The following NOX4 variants were observed in gnomAD, a reference collection of about 807,000 sequenced individuals.
The protein encoded by NOX4 is NADPH oxidase 4, also known as kidney oxidase-1.
NOX4 carries 69 observed loss-of-function variants against 87.6 expected under a neutral mutation model. That is an observed-to-expected ratio of 0.79 (90% confidence interval 0.65 to 0.96). The LOEUF (loss-of-function observed/expected upper bound fraction) is 0.96. Among genes scored for constraint, NOX4 ranks in the 40% least tolerant of loss-of-function variants. NOX4 has a pLI of 0.00. For synonymous variants in NOX4, 275 were observed against 238.2 expected (o/e 1.15, Z -1.42); for missense variants, 680 against 681.5 (o/e 1.00, Z 0.02).
At chr11:89,368,117 A>G (rs1055030826) in intron 12 of NOX4, among the ~76,000 whole-genome samples, 5 of 151,830 alleles carry the variant, frequency 3.3e-5, no homozygotes, top group African/African-American at 1.2e-4. Context: ...TAAATATATT[A>G]TAACATAATT....
At chr11:89,555,110 T>C in the NOX4 span, among the ~76,000 whole-genome samples, 1 of 152,132 alleles carries the variant, frequency 6.6e-6, no homozygotes. Context: ...TCCTTACCCT[T>C]AGGCACTTTC....
At chr11:89,440,347 T>C (rs1944401942) in intron 6 of NOX4, among the ~76,000 whole-genome samples, 1 of 152,160 alleles carries the variant, frequency 6.6e-6, no homozygotes, top group Non-Finnish European at 1.5e-5. Flanking sequence ...AGACGGAGTC[T>C]TACTCTGTCA....
At chr11:89,363,919 T>C (rs550439473) in intron 12 of NOX4, among the ~76,000 whole-genome samples, 5 of 152,224 alleles carry the variant, frequency 3.3e-5, no homozygotes, top group Non-Finnish European at 5.9e-5. Flanking sequence ...TGAGAGGCTC[T>C]CAAATTAGTA....
At position 89,324,804 on chromosome 11, in the gene NOX4, G is replaced by C. The variant is rs921204171; in HGVS notation, c.*1952C>G. 2.0e-5 allele frequency: 3 copies of C among 152,086 alleles called. No homozygotes were observed. Among genetic ancestry groups the C allele is most frequent in the Non-Finnish European group, 4.4e-5 (3 of 68,016 alleles). 9.4% of individuals were successfully genotyped at this position (152,086 alleles called of 1,614,324 possible). A position where few individuals can be genotyped will look rare whatever the true frequency, so the allele number is the denominator to read the frequency against. ...ATACTAGTTATTAAATATGCCTTCA[G>C]AGCTAAATCTGCATGAGCATTCCAC... On this transcript the variant is annotated 3_prime_UTR_variant, in exon 18 of 18. Transcript: ENST00000263317.
At chr11:89,523,633 G>C in the NOX4 span, among the ~76,000 whole-genome samples, 1 of 152,136 alleles carries the variant, frequency 6.6e-6, no homozygotes, top group East Asian at 1.9e-4. Context: ...ATTTAATGGA[G>C]AGAAAATGAA....
intron 11 of NOX4, among the ~76,000 whole-genome samples, chr11:89,390,953 C>G (rs1941077775): frequency 6.6e-6 from 1 of 152,070 alleles, no homozygotes; most frequent in African/African-American, 2.4e-5. Context: ...TTCTTTATCC[C>G]TCCAACATTT....
rs186712303 is a variant in NOX4 at position 89,336,518 on chromosome 11, G to T, written c.1516-573C>A. ...CAAGACAGCAAAACTCCAAAATTGG[G>T]TCTATCAACAAATGGCTGTGAACAG... is the stretch of plus-strand genomic sequence containing the variant. On this transcript the variant is annotated intron_variant, in intron 16 of 17. Coordinates refer to ENST00000263317, the MANE Select transcript of NOX4 (RefSeq NM_016931.5). Among the ~76,000 whole-genome samples, 256 of 152,032 alleles carry T rather than the reference G, an allele frequency of 1.7e-3. 3 individuals are homozygous for T. In the South Asian group the frequency reaches 0.017, roughly 10 times the overall value.
intron 6 of NOX4, among the ~76,000 whole-genome samples, chr11:89,436,812 TAAA>T (rs145119151): frequency 5.8e-4 from 88 of 152,272 alleles, no homozygotes; most frequent in Admixed American, 3.7e-3. Flanking sequence ...TAAGCATTTT[TAAA>T]TGAACATTTA....
chr11:89,331,495 CT>C (rs1184128467), intron 17 of NOX4, among the ~76,000 whole-genome samples: 1 of 151,664 alleles, frequency 6.6e-6, no homozygotes, highest in Non-Finnish European at 1.5e-5. Flanking sequence ...TGATGTTATA[CT>C]TAATAAAATT....
chr11:89,441,727 T>C (rs1461613342), intron 5 of NOX4, among the ~76,000 whole-genome samples: 1 of 151,852 alleles, frequency 6.6e-6, no homozygotes. Flanking sequence ...GATGGAACAA[T>C]TAATATTGCT....
chr11:89,326,675 G>T lies in NOX4; in HGVS notation c.*81C>A. 8.1e-7 allele frequency: 1 copy of T among 1,236,914 alleles called. No homozygotes were observed. The allele number at this position is 1,236,914 out of a possible 1,614,324, so 76.6% of individuals were successfully genotyped here. On this transcript the variant is annotated 3_prime_UTR_variant, in exon 18 of 18. Transcript: ENST00000263317. ...CCTTACTATTCTTTGGCATAACACA[G>T]CTGATTGATTCCGCTGAGTTTCAAA...
intron 13 of NOX4, among the ~76,000 whole-genome samples, chr11:89,352,326 G>GACT (rs1199671332): frequency 1.3e-5 from 2 of 152,044 alleles, no homozygotes; most frequent in South Asian, 2.1e-4. Flanking sequence ...CTATGATGTA[G>GACT]ATGTACAAGG....
At chr11:89,338,989 T>C (rs933523759) in intron 15 of NOX4, among the ~76,000 whole-genome samples, 1 of 152,126 alleles carries the variant, frequency 6.6e-6, no homozygotes, top group Non-Finnish European at 1.5e-5. Flanking sequence ...GTAAACCACA[T>C]GAGATCAGAA....
At chr11:89,517,907 A>G in the NOX4 span, among the ~76,000 whole-genome samples, 6 of 152,114 alleles carry the variant, frequency 3.9e-5, no homozygotes, top group Non-Finnish European at 7.4e-5. Context: ...ATAAAGTGAA[A>G]TCTATGGAGG....
chr11:89,399,058 G>A (rs940720013), intron 11 of NOX4, among the ~76,000 whole-genome samples: 1 of 151,838 alleles, frequency 6.6e-6, no homozygotes, highest in Non-Finnish European at 1.5e-5. Flanking sequence ...ATTTTTTTAA[G>A]TTTGTATTTT....
At chr11:89,580,239 C>T in the NOX4 span, among the ~76,000 whole-genome samples, 563 of 152,220 alleles carry the variant, frequency 3.7e-3, 5 homozygotes, top group Middle Eastern at 0.014. Flanking sequence ...AGACTGAGTG[C>T]AGTGGCATGA....
At chr11:89,547,035 C>A in the NOX4 span, among the ~76,000 whole-genome samples, 1 of 152,084 alleles carries the variant, frequency 6.6e-6, no homozygotes, top group African/African-American at 2.4e-5. Flanking sequence ...GTATATAAAG[C>A]ACATAACAAA....
At chr11:89,461,381 A>G in intron 2 of NOX4, among the ~76,000 whole-genome samples, 1 of 151,984 alleles carries the variant, frequency 6.6e-6, no homozygotes, top group South Asian at 2.1e-4. Flanking sequence ...GCGGTGGGTT[A>G]CGCCTGTAAT....
At chr11:89,445,358 A>C (rs888329169) in intron 4 of NOX4, among the ~76,000 whole-genome samples, 9 of 150,962 alleles carry the variant, frequency 6.0e-5, no homozygotes, top group East Asian at 1.9e-4. Flanking sequence ...CACACACACA[A>C]AAATAATGAA....
Sources: gnomAD v4.1 joint callset for allele counts (sites outside exome capture counted in the v4.1 genomes callset) on GRCh38, gnomAD v4.1.1 for gene constraint, MANE v1.5 for transcripts, NCBI Gene and HGNC (gene_info 2026-07-23, HGNC 2026-07-21) for gene names.